SPATA6: variants seen among roughly 807,000 people sequenced by gnomAD.
The protein encoded by SPATA6 is spermatogenesis-associated protein 6.
In SPATA6, 56 loss-of-function variants were observed where a neutral mutation model predicts 65.3. That is an observed-to-expected ratio of 0.86 (90% confidence interval 0.69 to 1.07). The LOEUF is 1.07. Among genes scored for constraint, SPATA6 ranks in the 50% least tolerant of loss-of-function variants. The probability of loss-of-function intolerance (pLI) is 0.00; values close to 1 mark genes in which losing one functional copy is unlikely to be tolerated. For missense variants in SPATA6, 590 were observed against 594.8 expected (o/e 0.99, Z 0.08); for synonymous variants, 199 against 213.2 (o/e 0.93, Z 0.58).
At chr1:48,379,097 G>T (rs1165907406) in intron 9 of SPATA6, among the ~76,000 whole-genome samples, 1 of 152,146 alleles carries the variant, frequency 6.6e-6, no homozygotes, top group Non-Finnish European at 1.5e-5. Context: ...AAGAAAAGAG[G>T]TTTAATTGAC....
At chr1:48,327,374 G>A (rs1404197883) in intron 11 of SPATA6, among the ~76,000 whole-genome samples, 2 of 152,136 alleles carry the variant, frequency 1.3e-5, no homozygotes, top group Non-Finnish European at 1.5e-5. Flanking sequence ...GTGGAGAAAA[G>A]GGAACGCTTA....
chr1:48,420,415 G>A (rs1362608085), intron 3 of SPATA6, among the ~76,000 whole-genome samples: 1 of 152,180 alleles, frequency 6.6e-6, no homozygotes, highest in Non-Finnish European at 1.5e-5. Context: ...CCAGTCAGGA[G>A]GAAGTTCCAG....
At chr1:48,372,250 C>G in intron 9 of SPATA6, among the ~76,000 whole-genome samples, 1 of 152,264 alleles carries the variant, frequency 6.6e-6, no homozygotes, top group Non-Finnish European at 1.5e-5. Context: ...ACTGCCTAGA[C>G]ACAATGGGGG....
intron 8 of SPATA6, among the ~76,000 whole-genome samples, chr1:48,392,631 G>A (rs968337183): frequency 3.9e-5 from 6 of 151,976 alleles, no homozygotes; most frequent in East Asian, 1.9e-4. Flanking sequence ...TCTCTAAACC[G>A]CTGCCATTTT....
chr1:48,340,907 C>G (rs1646198158), intron 11 of SPATA6, among the ~76,000 whole-genome samples: 1 of 151,986 alleles, frequency 6.6e-6, no homozygotes. Context: ...GAAGCTTTCC[C>G]AGAAACAAAG....
At chr1:48,311,220 A>C (rs976252307) in intron 11 of SPATA6, among the ~76,000 whole-genome samples, 1 of 152,154 alleles carries the variant, frequency 6.6e-6, no homozygotes. Context: ...TAGGATGGAA[A>C]TAAATGAGAT....
chr1:48,471,494 A>C (rs1270015036), intron 1 of SPATA6, among the ~76,000 whole-genome samples: 1 of 152,166 alleles, frequency 6.6e-6, no homozygotes, highest in Non-Finnish European at 1.5e-5. Context: ...CCCTTCATTA[A>C]TGCGGGTTTG....
intron 12 of SPATA6, among the ~76,000 whole-genome samples, chr1:48,301,664 C>A (rs1381212396): frequency 6.6e-6 from 1 of 151,776 alleles, no homozygotes; most frequent in Non-Finnish European, 1.5e-5. Flanking sequence ...TAGCATAGTA[C>A]TGGAATAACA....
chr1:48,461,287 T>C lies in SPATA6; in HGVS notation c.52-8156A>G, dbSNP rs978712687. 1.3e-3 allele frequency among the ~76,000 whole-genome samples: 194 copies of C among 152,288 alleles called. 1 individual carries two copies. The highest frequency in any genetic ancestry group is 2.2e-3 in the Non-Finnish European group (151 of 68,020). ...CGAAAATTTTCTCCCGTTTTGTAGG[T>C]TGCCTGTTTACTCTGATGGTAGTTT... On this transcript the variant is annotated intron_variant, in intron 1 of 12. Transcript: ENST00000371847.
intron 9 of SPATA6, among the ~76,000 whole-genome samples, chr1:48,379,109 C>T (rs1483516435): frequency 1.3e-5 from 2 of 152,152 alleles, no homozygotes; most frequent in Non-Finnish European, 2.9e-5. Context: ...TTAATTGACT[C>T]ACAGTTCTGC....
In SPATA6 at chr1:48,455,658, G is replaced by A. The variant is rs540582539; in HGVS notation, c.52-2527C>T. Among the ~76,000 whole-genome samples, 4 of 152,246 alleles carry A rather than the reference G, an allele frequency of 2.6e-5. No homozygotes were observed. In the South Asian group the frequency reaches 8.3e-4, roughly 32 times the overall value. ...GCCTCCCAAAGTGCTGGGATTACAG[G>A]CATGAGCCACCGCACCTGGCCTACT... is the stretch of plus-strand genomic sequence containing the variant. On this transcript the variant is annotated intron_variant, in intron 1 of 12. Transcript: ENST00000371847.
intron 1 of SPATA6, among the ~76,000 whole-genome samples, chr1:48,464,550 A>G (rs1003015996): frequency 1.3e-5 from 2 of 152,246 alleles, no homozygotes; most frequent in Non-Finnish European, 2.9e-5. Context: ...TCCATCAACA[A>G]TAGGAAGAAT....
the SPATA6 span, among the ~76,000 whole-genome samples, chr1:48,265,366 C>G: frequency 1.3e-5 from 2 of 149,552 alleles, no homozygotes; most frequent in African/African-American, 4.9e-5. Context: ...CATAAATGAA[C>G]GATTTTGATA....
chr1:48,471,664 A>C (rs1040335400), intron 1 of SPATA6, among the ~76,000 whole-genome samples: 3 of 152,114 alleles, frequency 2.0e-5, no homozygotes, highest in Non-Finnish European at 2.9e-5. Flanking sequence ...CTCTCACTGG[A>C]AAGTTAGGAG....
chr1:48,329,712 A>C (rs1645860876), intron 11 of SPATA6, among the ~76,000 whole-genome samples: 1 of 152,236 alleles, frequency 6.6e-6, no homozygotes, highest in Non-Finnish European at 1.5e-5. Context: ...GGAATCCATC[A>C]GGGCAGAGGA....
At chr1:48,463,538 G>T (rs1158722428) in intron 1 of SPATA6, among the ~76,000 whole-genome samples, 1 of 152,098 alleles carries the variant, frequency 6.6e-6, no homozygotes. Context: ...ACAGCAACTG[G>T]AAGCAAATCA....
At chr1:48,329,988 C>T (rs1293999228) in intron 11 of SPATA6, among the ~76,000 whole-genome samples, 2 of 152,228 alleles carry the variant, frequency 1.3e-5, no homozygotes, top group African/African-American at 2.4e-5. Flanking sequence ...CTGCCACAAG[C>T]CTTGGGCCCT....
the SPATA6 span, among the ~76,000 whole-genome samples, chr1:48,271,546 G>A: frequency 6.6e-6 from 1 of 152,098 alleles, no homozygotes; most frequent in Non-Finnish European, 1.5e-5. Context: ...AATAGGCTTT[G>A]TATTGCTTTT....
intron 3 of SPATA6, among the ~76,000 whole-genome samples, chr1:48,417,056 G>T (rs1652848823): frequency 6.6e-6 from 1 of 152,004 alleles, no homozygotes; most frequent in Non-Finnish European, 1.5e-5. Flanking sequence ...CTTCATTCAT[G>T]GCTATCATTT....
Sources: allele counts gnomAD v4.1 joint callset (sites outside exome capture counted in the v4.1 genomes callset), GRCh38; gene constraint gnomAD v4.1.1; transcripts MANE v1.5; gene names NCBI Gene and HGNC (gene_info 2026-07-23, HGNC 2026-07-21).